SNAP91: variants seen among roughly 807,000 people sequenced by gnomAD.
SNAP91 encodes the protein clathrin coat assembly protein AP180.
SNAP91 carries 27 observed loss-of-function variants against 100.3 expected under a neutral mutation model. That is an observed-to-expected ratio of 0.27 (90% CI 0.20 to 0.37). The LOEUF (loss-of-function observed/expected upper bound fraction) is 0.37, where lower values mean the gene tolerates loss of function less well. Ranked by LOEUF, SNAP91 falls within the 10% of genes least tolerant of loss-of-function variation. The pLI is 1.00. For synonymous variants in SNAP91, 404 were observed against 398.6 expected (o/e 1.01, Z -0.16); for missense variants, 986 against 1,123.7 (o/e 0.88, Z 1.75).
rs993703276 is a variant in SNAP91, at chr6:83,605,511, GTCTC to G, written c.1141+170_1141+173del. Among the ~76,000 whole-genome samples the G allele has an allele frequency of 3.9e-5, 6 of 152,096 alleles. No homozygotes were observed. The South Asian group carries it at 6.2e-4, about 16-fold the overall frequency. On this transcript the variant is annotated intron_variant, in intron 14 of 29. Coordinates refer to ENST00000369694, the MANE Select transcript of SNAP91 (RefSeq NM_001242792.2). ...TCACTGTATTACAGGCACTTTCTCT[GTCTC>G]TCTCTCTCAATATATATTTCAATCA...
intron 2 of SNAP91, among the ~76,000 whole-genome samples, chr6:83,698,977 A>T (rs190986077): frequency 6.6e-6 from 1 of 152,180 alleles, no homozygotes; most frequent in African/African-American, 2.4e-5. Context: ...TTTTCTGAGC[A>T]TTTTTAATTT....
At chr6:83,633,094 T>C (rs777092230) in intron 8 of SNAP91, among the ~76,000 whole-genome samples, 2 of 152,172 alleles carry the variant, frequency 1.3e-5, no homozygotes, top group Non-Finnish European at 2.9e-5. Context: ...TGTAGTACTC[T>C]CCCCCTTTTC....
chr6:83,575,580 C>G (rs764926064), intron 25 of SNAP91: 2 of 213,810 alleles, frequency 9.4e-6, no homozygotes, highest in Non-Finnish European at 1.8e-5. Context: ...AAGACACCAT[C>G]CACTGAAAGA....
intron 1 of SNAP91, chr6:83,708,396 T>G (rs2099411066): frequency 6.3e-6 from 1 of 157,768 alleles, no homozygotes; most frequent in Non-Finnish European, 1.4e-5. Flanking sequence ...GCCCGCAGGC[T>G]TCGGGGAATG....
chr6:83,555,190 A>G (rs560788902), intron 29 of SNAP91, among the ~76,000 whole-genome samples: 1 of 151,934 alleles, frequency 6.6e-6, no homozygotes, highest in African/African-American at 2.4e-5. Context: ...AGATGTTAAT[A>G]CCTTAGAATA....
At chr6:83,687,879 A>G (rs530284777) in intron 2 of SNAP91, among the ~76,000 whole-genome samples, 1 of 152,216 alleles carries the variant, frequency 6.6e-6, no homozygotes, top group Non-Finnish European at 1.5e-5. Flanking sequence ...TAAAGGAGTC[A>G]AGCAACTTCA....
chr6:83,622,208 A>T (rs950347532), intron 9 of SNAP91, among the ~76,000 whole-genome samples: 1 of 152,094 alleles, frequency 6.6e-6, no homozygotes, highest in Non-Finnish European at 1.5e-5. Flanking sequence ...TCAACTTTTC[A>T]CTAAAAAATA....
chr6:83,697,896 A>G (rs1049244991), intron 2 of SNAP91, among the ~76,000 whole-genome samples: 2 of 152,164 alleles, frequency 1.3e-5, no homozygotes, highest in African/African-American at 4.8e-5. Context: ...GTGAGGAATA[A>G]GACAGTCTCA....
At chr6:83,639,759 A>G (rs2097604282) in intron 8 of SNAP91, among the ~76,000 whole-genome samples, 1 of 152,154 alleles carries the variant, frequency 6.6e-6, no homozygotes, top group African/African-American at 2.4e-5. Flanking sequence ...TTACTTACAT[A>G]CAATAACAAA....
chr6:83,629,920 T>C (rs2097138864), intron 8 of SNAP91, among the ~76,000 whole-genome samples: 1 of 152,128 alleles, frequency 6.6e-6, no homozygotes, highest in Non-Finnish European at 1.5e-5. Context: ...GGCATTCTTG[T>C]CTTGTTCCAG....
chr6:83,622,348 T>C (rs1294134426), intron 9 of SNAP91, among the ~76,000 whole-genome samples: 1 of 152,046 alleles, frequency 6.6e-6, no homozygotes, highest in Non-Finnish European at 1.5e-5. Context: ...ACTTAAGGAT[T>C]AATATTATTT....
At chr6:83,599,884 A>C (rs1236828289) in intron 16 of SNAP91, among the ~76,000 whole-genome samples, 2 of 152,094 alleles carry the variant, frequency 1.3e-5, no homozygotes, top group African/African-American at 4.8e-5. Context: ...TCCTGGGCTC[A>C]AGCAATCCTC....
At chr6:83,577,463 T>C (rs1326689489) in intron 24 of SNAP91, among the ~76,000 whole-genome samples, 1 of 152,186 alleles carries the variant, frequency 6.6e-6, no homozygotes, top group African/African-American at 2.4e-5. Context: ...TGCCTGTTCA[T>C]GTGAAAAAGC....
At chr6:83,672,944 G>C (rs1189738634) in intron 2 of SNAP91, among the ~76,000 whole-genome samples, 1 of 151,998 alleles carries the variant, frequency 6.6e-6, no homozygotes, top group East Asian at 1.9e-4. Context: ...GTCAGAAAGG[G>C]GAATAAAAAC....
intron 26 of SNAP91, among the ~76,000 whole-genome samples, chr6:83,566,984 A>G (rs1797539326): frequency 6.6e-6 from 1 of 152,002 alleles, no homozygotes; most frequent in Non-Finnish European, 1.5e-5. Flanking sequence ...ACTTAAATAA[A>G]CTCTGTTAAA....
chr6:83,685,273 G>C (rs2099045587), intron 2 of SNAP91, among the ~76,000 whole-genome samples: 1 of 152,154 alleles, frequency 6.6e-6, no homozygotes, highest in Non-Finnish European at 1.5e-5. Context: ...GACAGTTCAG[G>C]GGTCCAGGCC....
intron 23 of SNAP91, among the ~76,000 whole-genome samples, chr6:83,581,531 A>C (rs1179102766): frequency 6.6e-6 from 1 of 152,242 alleles, no homozygotes; most frequent in African/African-American, 2.4e-5. Flanking sequence ...AAATTTTATC[A>C]AAAAACTATG....
intron 28 of SNAP91, among the ~76,000 whole-genome samples, chr6:83,559,160 C>T (rs2127803963): frequency 6.6e-6 from 1 of 152,284 alleles, no homozygotes; most frequent in East Asian, 1.9e-4. Flanking sequence ...CAAGGTGACT[C>T]AGAGTGGAGG....
intron 8 of SNAP91, among the ~76,000 whole-genome samples, chr6:83,628,523 G>GTT (rs562616201): frequency 1.6e-4 from 23 of 145,376 alleles, no homozygotes; most frequent in Non-Finnish European, 2.4e-4. Context: ...AACATCTACT[G>GTT]TTTTTTTTTT....
Sources: allele counts gnomAD v4.1 joint callset (sites outside exome capture counted in the v4.1 genomes callset), GRCh38; gene constraint gnomAD v4.1.1; transcripts MANE v1.5; gene names NCBI Gene and HGNC (gene_info 2026-07-23, HGNC 2026-07-21).